MARK2: variants seen among roughly 807,000 people sequenced by gnomAD.
The protein encoded by MARK2 is serine/threonine-protein kinase MARK2.
MARK2 carries 16 observed loss-of-function variants against 89.8 expected under a neutral mutation model. That is an observed-to-expected ratio of 0.18 (90% CI 0.12 to 0.27). The LOEUF (loss-of-function observed/expected upper bound fraction) is 0.27, where lower values mean the gene tolerates loss of function less well. Among genes scored for constraint, MARK2 ranks in the 10% least tolerant of loss-of-function variants. MARK2 has a pLI of 1.00. For synonymous variants in MARK2, 382 were observed against 399.5 expected (o/e 0.96, Z 0.52); for missense variants, 621 against 1,049.9 (o/e 0.59, Z 5.65).
intron 1 of MARK2, among the ~76,000 whole-genome samples, chr11:63,866,372 T>C (rs529836925): frequency 1.3e-4 from 19 of 142,084 alleles, no homozygotes; most frequent in Non-Finnish European, 2.6e-4. Flanking sequence ...AAAAAAAAAG[T>C]AGTGTTTAAA....
At chr11:63,905,099 T>G in intron 16 of MARK2, 56 bp downstream of exon 16, 7 of 545,698 alleles carry the variant, frequency 1.3e-5, no homozygotes, top group East Asian at 5.8e-5. Context: ...CCTGCTTTAC[T>G]CGGGGTGGGT....
rs550963457 is a variant in MARK2 at position 63,857,401 on chromosome 11, G to A, written c.54+17841G>A. ...TCTCCATGTTGGTCAGGCTGGTCTCGAACTCCTTACCTCAGGTGATCTGCC... is the reference window on the plus strand; with the variant it reads ...TCTCCATGTTGGTCAGGCTGGTCTCAAACTCCTTACCTCAGGTGATCTGCC... On this transcript the variant is annotated intron_variant, in intron 1 of 18. Transcript: ENST00000402010. Among the ~76,000 whole-genome samples, 28 of 151,386 alleles carry A rather than the reference G, an allele frequency of 1.8e-4. 1 individual carries two copies. The South Asian group carries it at 3.8e-3, about 20-fold the overall frequency.
Position 63,899,966 on chromosome 11 carries a change from C to T in MARK2, c.624C>T (p.Thr208=), listed in dbSNP as rs1481669813. The T allele has an allele frequency of 6.2e-7, 1 of 1,614,122 alleles. No homozygotes were observed. Among genetic ancestry groups the T allele is most frequent in the East Asian group, 2.2e-5 (1 of 44,878 alleles). ...TCACCTTTGGGAACAAGCTGGACAC[C>T]TTCTGTGGCAGTCCCCCTTATGCTG... ...NEFTFGNKLD[T]FCGSPPYAAP... Residue 208 remains threonine (T), a synonymous_variant, in exon 8 of 19, where the codon ACC becomes ACT. Coordinates refer to ENST00000402010, the MANE Select transcript of MARK2 (RefSeq NM_001039469.3).
chr11:63,840,103 T>G (rs1337912473), intron 1 of MARK2, among the ~76,000 whole-genome samples: 3 of 152,148 alleles, frequency 2.0e-5, no homozygotes, highest in East Asian at 1.9e-4. Flanking sequence ...CTACCCTGCT[T>G]CTTCGTTTTC....
chr11:63,888,905 T>G (rs1359318673), intron 1 of MARK2: 1 of 1,348,874 alleles, frequency 7.4e-7, no homozygotes, highest in African/African-American at 1.5e-5. Flanking sequence ...CCTGACAGGT[T>G]CTGCTGTGGG....
intron 1 of MARK2, among the ~76,000 whole-genome samples, chr11:63,849,550 C>T (rs899488355): frequency 7.9e-5 from 12 of 152,092 alleles, no homozygotes; most frequent in Non-Finnish European, 1.3e-4. Context: ...GTCAGGAGTT[C>T]GAGACCAGCC....
chr11:63,900,861 A>G lies in MARK2; in HGVS notation c.970A>G (p.Lys324Glu). The change falls in exon 10 of 19, where the codon AAG becomes GAG. Residue 324 changes from lysine to glutamate, a missense_variant. Lys to Glu is a moderately conservative substitution (Grantham distance 56). Transcript: ENST00000402010. The surrounding 1 kb of genome is among the most constrained non-coding windows in gnomAD (Gnocchi z 4.7). ...KPYVEPLPDY[K>E]DPRRTELMVS... ...TTACGTGGAGCCACTCCCTGACTAC[A>G]AGGACCCCCGGCGGACAGGTGAGGC... 1 of 1,614,090 alleles carries G rather than the reference A, an allele frequency of 6.2e-7. No individual in the cohort carries two copies. Among genetic ancestry groups the G allele is most frequent in the Non-Finnish European group, 8.5e-7 (1 of 1,179,980 alleles).
chr11:63,860,955 C>G (rs962822168), intron 1 of MARK2, among the ~76,000 whole-genome samples: 1 of 152,120 alleles, frequency 6.6e-6, no homozygotes, highest in Non-Finnish European at 1.5e-5. Context: ...AAGTGCTCAA[C>G]ATATCAATTC....
chr11:63,909,450 T>G lies in MARK2; in HGVS notation c.*213T>G. 16 of 469,522 alleles carry G rather than the reference T, an allele frequency of 3.4e-5. No homozygotes were observed. Among genetic ancestry groups the G allele is most frequent in the Non-Finnish European group, 4.1e-5 (11 of 270,482 alleles). The allele number at this position is 469,522 out of a possible 1,614,324, so 29.1% of individuals were successfully genotyped here. A position where few individuals can be genotyped will look rare whatever the true frequency, so the allele number is the denominator to read the frequency against. On this transcript the variant is annotated 3_prime_UTR_variant, in exon 19 of 19. Transcript: ENST00000402010. ...CCCCACATTCACCCCTGCCCAGAGA[T>G]TCCCCCTTCTCCTCTCCCCTACTGG...
chr11:63,855,235 G>A (rs1016609448), intron 1 of MARK2, among the ~76,000 whole-genome samples: 3 of 152,088 alleles, frequency 2.0e-5, no homozygotes, highest in Admixed American at 1.3e-4. Flanking sequence ...AGTGCAGGAC[G>A]AGGCCAGGCA....
chr11:63,902,910 C>T lies in MARK2; in HGVS notation c.1416+128C>T. 2 of 1,072,060 alleles carry T rather than the reference C, an allele frequency of 1.9e-6. No homozygotes were observed. Among genetic ancestry groups the T allele is most frequent in the Non-Finnish European group, 2.8e-6 (2 of 712,534 alleles). The allele number at this position is 1,072,060 out of a possible 1,614,324, so 66.4% of individuals were successfully genotyped here. On this transcript the variant is annotated intron_variant, in intron 13 of 18. Coordinates refer to ENST00000402010, the MANE Select transcript of MARK2 (RefSeq NM_001039469.3). This position sits in a 1 kb window ranked among gnomAD's most constrained non-coding sequence, Gnocchi z 4.2. ...TCTGCTTATAGCAGGAAGCCTCGCT[C>T]CCAGCAGTAAATGCAGAATCCTTTC...
At chr11:63,852,262 A>G (rs1565097331) in intron 1 of MARK2, among the ~76,000 whole-genome samples, 1 of 152,212 alleles carries the variant, frequency 6.6e-6, no homozygotes, top group Non-Finnish European at 1.5e-5. Context: ...TGTTCTTAGT[A>G]CTTCTGTGCT....
At chr11:63,842,477 A>G (rs2016069097) in intron 1 of MARK2, among the ~76,000 whole-genome samples, 1 of 152,160 alleles carries the variant, frequency 6.6e-6, no homozygotes, top group South Asian at 2.1e-4. Context: ...AAGTGCTGGG[A>G]TTACAGGTGT....
intron 1 of MARK2, among the ~76,000 whole-genome samples, chr11:63,887,695 C>T (rs1939485994): frequency 6.7e-6 from 1 of 149,958 alleles, no homozygotes; most frequent in African/African-American, 2.4e-5. Flanking sequence ...GGCAAGGCTG[C>T]AACCAGCACA....
Position 63,902,914 on chromosome 11 carries a change from G to T in MARK2, c.1416+132G>T, listed in dbSNP as rs1236923248. The T allele has an allele frequency of 1.1e-5, 11 of 1,045,668 alleles. No homozygotes were observed. Among genetic ancestry groups the T allele is most frequent in the Non-Finnish European group, 1.6e-5 (11 of 688,570 alleles). The allele number at this position is 1,045,668 out of a possible 1,614,324, so 64.8% of individuals were successfully genotyped here. The stretch of plus-strand genomic sequence containing the variant: ...CTTATAGCAGGAAGCCTCGCTCCCA[G>T]CAGTAAATGCAGAATCCTTTCCTTA... On this transcript the variant is annotated intron_variant, in intron 13 of 18. Coordinates refer to ENST00000402010, the MANE Select transcript of MARK2 (RefSeq NM_001039469.3). The surrounding 1 kb of genome is among the most constrained non-coding windows in gnomAD (Gnocchi z 4.2).
At chr11:63,841,646 G>C (rs1236322071) in intron 1 of MARK2, among the ~76,000 whole-genome samples, 1 of 152,216 alleles carries the variant, frequency 6.6e-6, no homozygotes, top group African/African-American at 2.4e-5. Flanking sequence ...TTGATCGTGA[G>C]CTGGTAGGAG....
At chr11:63,908,817 G>A in intron 18 of MARK2, 60 bp from the exon 19 acceptor site, 2 of 1,408,440 alleles carry the variant, frequency 1.4e-6, no homozygotes, top group Non-Finnish European at 1.9e-6. Flanking sequence ...TGCCAGGGTG[G>A]CTCTCCTGGG....
At position 63,903,413 on chromosome 11, in the gene MARK2, C is replaced by CT. The variant is rs2134223756; in HGVS notation, c.1514+257dup. On this transcript the variant is annotated intron_variant, in intron 14 of 18. Coordinates refer to ENST00000402010, the MANE Select transcript of MARK2 (RefSeq NM_001039469.3). This position sits in a 1 kb window ranked among gnomAD's most constrained non-coding sequence, Gnocchi z 5.1. ...GGCCATCTCAGCTACATGCTCGCTT[C>CT]TTGACCACGGCCAGGGCATGGCAGC... 2.0e-6 allele frequency: 1 copy of CT among 502,788 alleles called. No individual in the cohort carries two copies. The highest frequency in any genetic ancestry group is 2.0e-5 in the South Asian group (1 of 49,058). The allele number at this position is 502,788 out of a possible 1,614,324, so 31.1% of individuals were successfully genotyped here.
At chr11:63,876,227 GCCTTCAAACT>G (rs1220954507) in intron 1 of MARK2, among the ~76,000 whole-genome samples, 2 of 16,864 alleles carry the variant, frequency 1.2e-4, no homozygotes, top group Non-Finnish European at 2.0e-4. Context: ...CCAGAACTTA[GCCTTCAAACT>G]TAGCCTTCAA....
Sources: gnomAD v4.1 joint callset for allele counts (sites outside exome capture counted in the v4.1 genomes callset) on GRCh38, gnomAD v4.1.1 for gene constraint, Gnocchi (gnomAD v3.1) non-coding constraint, MANE v1.5 for transcripts, NCBI Gene and HGNC (gene_info 2026-07-23, HGNC 2026-07-21) for gene names.